MAGOHB: variants seen among roughly 807,000 people sequenced by gnomAD.
The protein encoded by MAGOHB is protein mago nashi homolog 2.
MAGOHB carries 15 observed loss-of-function variants against 20.9 expected under a neutral mutation model. That is an observed-to-expected ratio of 0.72 (90% CI 0.48 to 1.11). The LOEUF is 1.11. Among genes scored for constraint, MAGOHB ranks in the 50% least tolerant of loss-of-function variants. The pLI is 0.00. For missense variants in MAGOHB, 162 were observed against 177.6 expected, an observed-to-expected ratio of 0.91 and a Z score of 0.50; for synonymous variants, 50 against 57.9, an observed-to-expected ratio of 0.86 and a Z score of 0.62.
At chr12:10,600,917 A>T (rs911380464), downstream of MAGOHB, among the ~76,000 whole-genome samples, 3 of 150,094 alleles carry the variant, frequency 2.0e-5, no homozygotes, top group Non-Finnish European at 4.4e-5. Context: ...AGTCGGCCAC[A>T]TCATCATGTG....
chr12:10,600,586 C>A (rs931567605), downstream of MAGOHB, among the ~76,000 whole-genome samples: 2 of 152,118 alleles, frequency 1.3e-5, no homozygotes, highest in Non-Finnish European at 2.9e-5. Context: ...TATTTCTCTA[C>A]TTGAGTTTTC....
chr12:10,603,208 G>A (rs1280504314), downstream of MAGOHB, among the ~76,000 whole-genome samples: 6 of 151,770 alleles, frequency 4.0e-5, no homozygotes, highest in Non-Finnish European at 7.4e-5. Context: ...CAGCTACTCC[G>A]GAGGCTGAGG....
downstream of MAGOHB, among the ~76,000 whole-genome samples, chr12:10,601,089 A>G (rs1025641655): frequency 1.3e-5 from 2 of 152,156 alleles, no homozygotes; most frequent in African/African-American, 2.4e-5. Context: ...CAGAGTAAAG[A>G]CGGTCCATAT....
At chr12:10,612,291 C>T (rs1865762238) in intron 1 of MAGOHB, among the ~76,000 whole-genome samples, 1 of 151,994 alleles carries the variant, frequency 6.6e-6, no homozygotes, top group African/African-American at 2.4e-5. Flanking sequence ...CCCAGCACCT[C>T]GGCAGGCTGA....
At chr12:10,606,759 C>G (rs1409892186) in intron 4 of MAGOHB, among the ~76,000 whole-genome samples, 1 of 150,664 alleles carries the variant, frequency 6.6e-6, no homozygotes, top group Non-Finnish European at 1.5e-5. Flanking sequence ...ATTACTTTCC[C>G]CACAGCATTA....
intron 1 of MAGOHB, 132 bp downstream of exon 1, chr12:10,613,307 G>A (rs1388528735): frequency 2.2e-5 from 17 of 760,048 alleles, no homozygotes; most frequent in East Asian, 4.9e-5. Context: ...ACCAACTTAT[G>A]CCTCCTCTAT....
At chr12:10,610,010 G>A (rs1865695436) in intron 2 of MAGOHB, 69 bp from the exon 3 acceptor site, 2 of 811,062 alleles carry the variant, frequency 2.5e-6, no homozygotes, top group African/African-American at 1.8e-5. Flanking sequence ...AAAGAAATGA[G>A]TTACAAACCC....
chr12:10,609,372 ACAT>A (rs1865683302), intron 3 of MAGOHB: 1 of 440,852 alleles, frequency 2.3e-6, no homozygotes, highest in Non-Finnish European at 4.6e-6. Flanking sequence ...AGCCTGAGAA[ACAT>A]CATTTATTCT....
chr12:10,601,621 T>C (rs533180499), downstream of MAGOHB, among the ~76,000 whole-genome samples: 4 of 152,218 alleles, frequency 2.6e-5, no homozygotes, highest in Admixed American at 6.5e-5. Context: ...GAGGGTTAAA[T>C]GAGGTAAGAT....
At chr12:10,606,687 T>C (rs1436554345) in intron 4 of MAGOHB, among the ~76,000 whole-genome samples, 5 of 152,094 alleles carry the variant, frequency 3.3e-5, no homozygotes, top group African/African-American at 1.2e-4. Context: ...AGAATAACTA[T>C]AAACATTTTG....
At chr12:10,611,930 G>T (rs1865750714) in intron 1 of MAGOHB, among the ~76,000 whole-genome samples, 1 of 151,970 alleles carries the variant, frequency 6.6e-6, no homozygotes. Flanking sequence ...AAAGTGATAG[G>T]GACAAGCTTG....
intron 1 of MAGOHB, chr12:10,612,976 G>A (rs1321685400): frequency 1.6e-6 from 2 of 1,282,786 alleles, no homozygotes; most frequent in Non-Finnish European, 2.0e-6. Context: ...CTCTTCATGC[G>A]TCCTATGGTG....
chr12:10,607,129 ATAG>A (rs1207731165), intron 4 of MAGOHB, among the ~76,000 whole-genome samples: 1 of 152,224 alleles, frequency 6.6e-6, no homozygotes, highest in East Asian at 1.9e-4. Context: ...TTTGCGTCCA[ATAG>A]TTATCATGCA....
chr12:10,609,890 T>G lies in MAGOHB; in HGVS notation c.205A>C (p.Ser69Arg). ...MEELKRIIDD[S>R]EITKEDDALW... ...GCATCATCTTCTTTTGTAATTTCAC[T>G]GTCATCAATAATTCTCTTCAGTTCT... The change falls in exon 3 of 5, where the codon AGT becomes CGT. Residue 69 changes from serine (S) to arginine (R), a missense_variant. Ser to Arg is a moderately radical substitution (Grantham distance 110). Transcript: ENST00000320756. 1 of 1,613,010 alleles carries G rather than the reference T, an allele frequency of 6.2e-7. No homozygotes were observed. The highest frequency in any genetic ancestry group is 8.5e-7 in the Non-Finnish European group (1 of 1,179,592).
At chr12:10,611,412 AATG>A (rs1372996428) in intron 1 of MAGOHB, among the ~76,000 whole-genome samples, 1 of 152,098 alleles carries the variant, frequency 6.6e-6, no homozygotes, top group Non-Finnish European at 1.5e-5. Context: ...ACACAGCTAT[AATG>A]TGCAACAGGT....
At chr12:10,610,890 G>C (rs1865721590) in intron 1 of MAGOHB, among the ~76,000 whole-genome samples, 1 of 152,244 alleles carries the variant, frequency 6.6e-6, no homozygotes, top group South Asian at 2.1e-4. Flanking sequence ...TATTTAAACA[G>C]CCCATGCCTA....
At chr12:10,602,108 T>C (rs571108444), downstream of MAGOHB, among the ~76,000 whole-genome samples, 2 of 152,318 alleles carry the variant, frequency 1.3e-5, no homozygotes, top group East Asian at 1.9e-4. Flanking sequence ...TACATCCACA[T>C]AGCTGGGGAG....
At chr12:10,609,971 A>C in intron 2 of MAGOHB, 30 bp from the exon 3 acceptor site, 1 of 1,234,616 alleles carries the variant, frequency 8.1e-7, no homozygotes, top group Non-Finnish European at 1.2e-6. Flanking sequence ...AAATGAGATA[A>C]TGCCCACCTA....
At chr12:10,610,577 CAAAAAAAAAAA>C (rs541042923) in intron 2 of MAGOHB, 34 bp downstream of exon 2, 8 of 724,890 alleles carry the variant, frequency 1.1e-5, no homozygotes, top group African/African-American at 3.6e-5. Context: ...GGGCTAAATG[CAAAAAAAAAAA>C]AAAAAAAAAA....
Sources: allele counts gnomAD v4.1 joint callset (sites outside exome capture counted in the v4.1 genomes callset), GRCh38; gene constraint gnomAD v4.1.1; transcripts MANE v1.5; gene names NCBI Gene and HGNC (gene_info 2026-07-23, HGNC 2026-07-21).